BCKDHB: variants seen among roughly 807,000 people sequenced by gnomAD.
BCKDHB encodes 2-oxoisovalerate dehydrogenase subunit beta, mitochondrial.
A neutral mutation model predicts 48.5 loss-of-function variants in BCKDHB; 41 were observed. That is an observed-to-expected ratio of 0.85 (90% CI 0.66 to 1.10). The LOEUF is 1.10. BCKDHB is among the 50% of genes least tolerant of loss of function. The probability of loss-of-function intolerance (pLI) is 0.00; values close to 1 mark genes in which losing one functional copy is unlikely to be tolerated. For missense variants in BCKDHB, 496 were observed against 494.2 expected, an observed-to-expected ratio of 1.00 and a Z score of -0.03; for synonymous variants, 201 against 174.8, an observed-to-expected ratio of 1.15 and a Z score of -1.18.
chr6:80,393,958 A>T, the BCKDHB span, among the ~76,000 whole-genome samples: 3 of 152,164 alleles, frequency 2.0e-5, no homozygotes, highest in South Asian at 4.1e-4. Flanking sequence ...ACCTTCACAC[A>T]TGTTTGTTCT....
intron 3 of BCKDHB, among the ~76,000 whole-genome samples, chr6:80,139,675 G>T (rs1771084485): frequency 6.6e-6 from 1 of 152,104 alleles, no homozygotes; most frequent in East Asian, 1.9e-4. Flanking sequence ...CTCTGTTTTG[G>T]GACCAGTACC....
intron 8 of BCKDHB, among the ~76,000 whole-genome samples, chr6:80,257,232 C>T (rs1777086723): frequency 6.6e-6 from 1 of 152,000 alleles, no homozygotes; most frequent in Admixed American, 6.6e-5. Flanking sequence ...GGCTGATTCA[C>T]CACTTTTGGT....
At chr6:80,185,901 T>G (rs1773618734) in intron 6 of BCKDHB, among the ~76,000 whole-genome samples, 1 of 152,198 alleles carries the variant, frequency 6.6e-6, no homozygotes, top group African/African-American at 2.4e-5. Context: ...CGAATGCTGG[T>G]TATGCCAGCA....
intron 9 of BCKDHB, among the ~76,000 whole-genome samples, chr6:80,328,477 T>A (rs1321247825): frequency 6.6e-6 from 1 of 152,154 alleles, no homozygotes; most frequent in Admixed American, 6.5e-5. Context: ...ATTCTTTAGT[T>A]TTTCCCAAAG....
At chr6:80,369,912 T>G in the BCKDHB span, among the ~76,000 whole-genome samples, 1 of 136,424 alleles carries the variant, frequency 7.3e-6, no homozygotes, top group African/African-American at 2.5e-5. Context: ...TAAGCTGTTG[T>G]AAGATATATT....
the BCKDHB span, among the ~76,000 whole-genome samples, chr6:80,432,522 C>A: frequency 1.3e-5 from 2 of 152,042 alleles, no homozygotes; most frequent in Non-Finnish European, 2.9e-5. Flanking sequence ...CTGTGTTTTT[C>A]GGCTCCATCT....
chr6:80,359,277 GA>G, the BCKDHB span, among the ~76,000 whole-genome samples: 2 of 152,136 alleles, frequency 1.3e-5, no homozygotes. Flanking sequence ...AGGAGGGCAG[GA>G]AGGGAATCTT....
At chr6:80,205,581 C>G (rs1774606787) in intron 8 of BCKDHB, among the ~76,000 whole-genome samples, 1 of 151,950 alleles carries the variant, frequency 6.6e-6, no homozygotes, top group Non-Finnish European at 1.5e-5. Context: ...TAAATATTTG[C>G]TCGGGGATAG....
chr6:80,444,125 G>T, the BCKDHB span, among the ~76,000 whole-genome samples: 1 of 152,050 alleles, frequency 6.6e-6, no homozygotes, highest in Non-Finnish European at 1.5e-5. Context: ...TAGTGTTTTT[G>T]TGGGGAGAGG....
At chr6:80,195,501 T>C (rs1774090902) in intron 6 of BCKDHB, among the ~76,000 whole-genome samples, 1 of 152,136 alleles carries the variant, frequency 6.6e-6, no homozygotes, top group Non-Finnish European at 1.5e-5. Context: ...AATATAGAAA[T>C]CCAATATTAG....
At chr6:80,426,445 A>G in the BCKDHB span, among the ~76,000 whole-genome samples, 1 of 152,178 alleles carries the variant, frequency 6.6e-6, no homozygotes, top group Non-Finnish European at 1.5e-5. Flanking sequence ...TTCTTTTCTA[A>G]TATAATCATA....
At chr6:80,168,122 C>T (rs911921650) in intron 4 of BCKDHB, among the ~76,000 whole-genome samples, 2 of 151,850 alleles carry the variant, frequency 1.3e-5, no homozygotes, top group Non-Finnish European at 2.9e-5. Context: ...CCCATATCTA[C>T]AAAAACTACA....
At chr6:80,240,470 T>C (rs1402983164) in intron 8 of BCKDHB, among the ~76,000 whole-genome samples, 2 of 152,176 alleles carry the variant, frequency 1.3e-5, no homozygotes, top group Non-Finnish European at 2.9e-5. Context: ...TCTCTGTTTG[T>C]CTGTTATTGG....
chr6:80,332,181 A>G (rs987093634), intron 9 of BCKDHB, among the ~76,000 whole-genome samples: 5 of 152,080 alleles, frequency 3.3e-5, no homozygotes, highest in Non-Finnish European at 7.4e-5. Context: ...TACACCTCTC[A>G]TGAGAGCCCA....
the BCKDHB span, among the ~76,000 whole-genome samples, chr6:80,417,452 C>T: frequency 2.6e-5 from 4 of 151,850 alleles, no homozygotes; most frequent in African/African-American, 9.7e-5. Context: ...GTGTGTACCT[C>T]AGTGTTTTTG....
At chr6:80,262,243 T>A (rs1777336641) in intron 8 of BCKDHB, among the ~76,000 whole-genome samples, 1 of 152,304 alleles carries the variant, frequency 6.6e-6, no homozygotes, top group Non-Finnish European at 1.5e-5. Context: ...TCTAAAGTGC[T>A]TTGTCCTTTT....
At chr6:80,414,737 G>A in the BCKDHB span, among the ~76,000 whole-genome samples, 1 of 151,944 alleles carries the variant, frequency 6.6e-6, no homozygotes, top group Non-Finnish European at 1.5e-5. Context: ...TGGCTATTGG[G>A]GCTCTTTATG....
intron 8 of BCKDHB, among the ~76,000 whole-genome samples, chr6:80,253,149 C>A (rs1776904200): frequency 6.6e-6 from 1 of 152,146 alleles, no homozygotes; most frequent in African/African-American, 2.4e-5. Context: ...AGACAGGCTG[C>A]TAGGCTTAAG....
chr6:80,165,375 C>T (rs1772519276), intron 3 of BCKDHB, among the ~76,000 whole-genome samples: 1 of 152,176 alleles, frequency 6.6e-6, no homozygotes, highest in Non-Finnish European at 1.5e-5. Flanking sequence ...ATCATGCTTT[C>T]AGTTTTTGCA....
Sources: gnomAD v4.1 joint callset for allele counts (sites outside exome capture counted in the v4.1 genomes callset) on GRCh38, gnomAD v4.1.1 for gene constraint, MANE v1.5 for transcripts, NCBI Gene and HGNC (gene_info 2026-07-23, HGNC 2026-07-21) for gene names.